Variants in FAM227B observed in about 807,000 individuals in gnomAD.
FAM227B encodes the protein protein FAM227B.
In FAM227B, 88 loss-of-function variants were observed where a neutral mutation model predicts 73.8. The observed-to-expected ratio is 1.19, with a 90% confidence interval of 1.00 to 1.42. The LOEUF (loss-of-function observed/expected upper bound fraction) is 1.42, where lower values mean the gene tolerates loss of function less well. FAM227B is among the 40% of genes most tolerant of loss of function. FAM227B has a pLI of 0.00. For missense variants in FAM227B, 632 were observed against 590.9 expected (o/e 1.07, Z -0.72); for synonymous variants, 210 against 190.5 (o/e 1.10, Z -0.84).
chr15:49,391,571 T>A (rs1044710986), intron 11 of FAM227B, among the ~76,000 whole-genome samples: 1 of 152,038 alleles, frequency 6.6e-6, no homozygotes, highest in African/African-American at 2.4e-5. Context: ...TGTTCTAAAT[T>A]TTTTCCTGAC....
intron 11 of FAM227B, among the ~76,000 whole-genome samples, chr15:49,390,031 C>T (rs1341369716): frequency 6.6e-6 from 1 of 152,076 alleles, no homozygotes; most frequent in Non-Finnish European, 1.5e-5. Flanking sequence ...TTCACCTTTT[C>T]ATCCTTCCAA....
At chr15:49,579,201 G>A (rs2075658024) in intron 5 of FAM227B, among the ~76,000 whole-genome samples, 2 of 152,088 alleles carry the variant, frequency 1.3e-5, no homozygotes. Flanking sequence ...TACTATTGGT[G>A]GGAATGTAAA....
intron 11 of FAM227B, among the ~76,000 whole-genome samples, chr15:49,456,329 A>G (rs1216072713): frequency 6.6e-6 from 1 of 152,124 alleles, no homozygotes; most frequent in African/African-American, 2.4e-5. Context: ...TTAGAAGTTG[A>G]AAGAAATAAT....
intron 10 of FAM227B, among the ~76,000 whole-genome samples, chr15:49,525,608 T>C (rs1179994854): frequency 5.5e-5 from 8 of 145,298 alleles, no homozygotes; most frequent in African/African-American, 1.3e-4. Context: ...GACCTGCCTA[T>C]AACAGACCCA....
intron 11 of FAM227B, among the ~76,000 whole-genome samples, chr15:49,472,020 G>GAA (rs35262082): frequency 6.9e-6 from 1 of 144,190 alleles, no homozygotes. Context: ...CTTTAGAAGT[G>GAA]AAAAAAAAAA....
intron 3 of FAM227B, among the ~76,000 whole-genome samples, chr15:49,590,270 A>G (rs1403267276): frequency 6.6e-6 from 1 of 152,244 alleles, no homozygotes; most frequent in East Asian, 1.9e-4. Flanking sequence ...CCAAAAACCA[A>G]AAACATTCTC....
chr15:49,407,615 G>A (rs894415912), intron 11 of FAM227B, among the ~76,000 whole-genome samples: 16 of 147,216 alleles, frequency 1.1e-4, no homozygotes, highest in South Asian at 4.2e-4. Context: ...TCCCTCATTC[G>A]TACTAATATA....
intron 11 of FAM227B, among the ~76,000 whole-genome samples, chr15:49,405,139 T>C (rs1348464776): frequency 6.6e-6 from 1 of 152,208 alleles, no homozygotes; most frequent in Non-Finnish European, 1.5e-5. Flanking sequence ...CTTATGGGCT[T>C]CCCTTTGTAG....
chr15:49,452,762 A>G (rs2052884700), intron 11 of FAM227B, among the ~76,000 whole-genome samples: 1 of 152,172 alleles, frequency 6.6e-6, no homozygotes, highest in South Asian at 2.1e-4. Flanking sequence ...TGTGCTTACA[A>G]GATTATTAAA....
chr15:49,418,025 T>C (rs1231011579), intron 11 of FAM227B, among the ~76,000 whole-genome samples: 1 of 151,812 alleles, frequency 6.6e-6, no homozygotes, highest in African/African-American at 2.4e-5. Flanking sequence ...TGAACAATTT[T>C]GAAAAGACAT....
In FAM227B at chr15:49,328,147, G is replaced by T; in HGVS notation, c.*421C>A. The T allele has an allele frequency of 6.2e-7, 1 of 1,613,590 alleles. No individual in the cohort carries two copies. The highest frequency in any genetic ancestry group is 8.5e-7 in the Non-Finnish European group (1 of 1,179,754). On this transcript the variant is annotated 3_prime_UTR_variant, in exon 16 of 16. Coordinates refer to ENST00000299338, the MANE Select transcript of FAM227B (RefSeq NM_152647.3). The stretch of plus-strand genomic sequence containing the variant: ...AACCTGGAGGTGGGGCTTTGGTTTT[G>T]CTTGAGGCCTGAAAAAATGTAAAAA...
chr15:49,353,091 G>A (rs995178947), intron 13 of FAM227B, among the ~76,000 whole-genome samples: 8 of 152,234 alleles, frequency 5.3e-5, no homozygotes, highest in African/African-American at 1.4e-4. Flanking sequence ...AAATGAGAAC[G>A]TCATCATTTC....
intron 11 of FAM227B, among the ~76,000 whole-genome samples, chr15:49,468,533 A>G (rs1405641946): frequency 6.6e-6 from 1 of 152,164 alleles, no homozygotes; most frequent in Non-Finnish European, 1.5e-5. Context: ...CAAGATTAGT[A>G]TTATCAACCA....
chr15:49,541,946 A>T, intron 9 of FAM227B, 140 bp from the exon 10 acceptor site: 1 of 645,494 alleles, frequency 1.5e-6, no homozygotes, highest in Non-Finnish European at 2.2e-6. Context: ...TAAATTCTAA[A>T]ATCACATTTA....
chr15:49,582,694 T>A (rs955074359), intron 5 of FAM227B, among the ~76,000 whole-genome samples: 1 of 152,172 alleles, frequency 6.6e-6, no homozygotes, highest in Non-Finnish European at 1.5e-5. Flanking sequence ...ATTGCCCACA[T>A]GGGACATACT....
chr15:49,396,689 C>T (rs1248037031), intron 11 of FAM227B, among the ~76,000 whole-genome samples: 1 of 151,220 alleles, frequency 6.6e-6, no homozygotes, highest in Non-Finnish European at 1.5e-5. Context: ...GTCCCTGACC[C>T]CTGACCCCCG....
intron 11 of FAM227B, among the ~76,000 whole-genome samples, chr15:49,468,073 A>G (rs2054421971): frequency 6.6e-6 from 1 of 152,180 alleles, no homozygotes; most frequent in African/African-American, 2.4e-5. Flanking sequence ...CTATAATTGT[A>G]CCACATGCTG....
At chr15:49,593,065 G>T (rs2076676895) in intron 3 of FAM227B, among the ~76,000 whole-genome samples, 1 of 152,164 alleles carries the variant, frequency 6.6e-6, no homozygotes. Context: ...GGGCAGAAGT[G>T]TACTGATTTT....
chr15:49,522,240 T>C (rs2059843997), intron 10 of FAM227B, among the ~76,000 whole-genome samples: 1 of 152,060 alleles, frequency 6.6e-6, no homozygotes, highest in Admixed American at 6.6e-5. Context: ...AAAATGATCA[T>C]ACACAACATA....
Sources: allele counts gnomAD v4.1 joint callset (sites outside exome capture counted in the v4.1 genomes callset), GRCh38; gene constraint gnomAD v4.1.1; transcripts MANE v1.5; gene names NCBI Gene and HGNC (gene_info 2026-07-23, HGNC 2026-07-21).